The following RGL2 variants were observed in gnomAD, a reference collection of about 807,000 sequenced individuals.
RGL2 encodes the protein ral guanine nucleotide dissociation stimulator-like 2.
RGL2 carries 40 observed loss-of-function variants against 84.6 expected under a neutral mutation model. The ratio of observed to expected loss-of-function variants is 0.47; its 90% CI spans 0.37 to 0.62. RGL2 has a LOEUF of 0.62. Ranked by LOEUF, RGL2 falls within the 20% of genes least tolerant of loss-of-function variation. The pLI is 0.00. For missense variants in RGL2, 865 were observed against 1,019.7 expected (o/e 0.85, Z 2.07); for synonymous variants, 369 against 417.3 (o/e 0.88, Z 1.41).
Position 33,298,447 on chromosome 6 carries a change from C to G in RGL2, c.156+8G>C. 7.6e-6 allele frequency: 11 copies of G among 1,440,472 alleles called. No homozygotes were observed. The highest frequency in any genetic ancestry group is 9.5e-6 in the Non-Finnish European group (10 of 1,053,684). The allele number at this position is 1,440,472 out of a possible 1,614,324, so 89.2% of individuals were successfully genotyped here. ...TACGCCCCCTACCTCCCACCACCCG[C>G]GTCTCACCTCTTCTTCTTCCTCCTC... On this transcript the variant is annotated splice_region_variant and intron_variant, in intron 2 of 17. Coordinates refer to ENST00000497454, the MANE Select transcript of RGL2 (RefSeq NM_004761.5). The surrounding 1 kb of genome is among the most constrained non-coding windows in gnomAD (Gnocchi z 4.8).
At position 33,295,415 on chromosome 6, in the gene RGL2, C is replaced by T. The variant is rs1210402902; in HGVS notation, c.1028G>A (p.Arg343Gln). Reference sequence around the variant, plus strand: ...AACTGAAGAGAAGTTTCGGAGCAGCCGGCACTCCTGTGGGGGTCAAAGAAG... The same window carrying T: ...AACTGAAGAGAAGTTTCGGAGCAGCTGGCACTCCTGTGGGGGTCAAAGAAG... The part of the protein sequence containing the change: ...EKWIRVAEEC[R>Q]LLRNFSSVYA... Residue 343 changes from arginine (R) to glutamine (Q), a missense_variant, in exon 8 of 18, where the codon CGG (arginine) becomes CAG (glutamine). Physicochemically the swap from Arg to Gln is conservative, Grantham distance 43 (BLOSUM62 1). Around this residue, in one of 5 missense-constraint regions of RGL2, gnomAD observed 455 missense variants for 507.8 expected, o/e 0.90. Transcript: ENST00000497454. The surrounding 1 kb of genome is among the most constrained non-coding windows in gnomAD (Gnocchi z 7.2). 61 of 1,612,072 alleles carry T rather than the reference C, an allele frequency of 3.8e-5. No individual in the cohort carries two copies. Among genetic ancestry groups the T allele is most frequent in the Non-Finnish European group, 4.7e-5 (56 of 1,179,680 alleles).
At position 33,293,721 on chromosome 6, in the gene RGL2, C is replaced by A; in HGVS notation, c.1509-22G>T. ...ATGGCTGGGTTAGGGGGGCAATAGG[C>A]AGAGCTCAGGACATGACACCAATCC... On this transcript the variant is annotated intron_variant, in intron 13 of 17. Transcript: ENST00000497454. This position sits in a 1 kb window ranked among gnomAD's most constrained non-coding sequence, Gnocchi z 7.0. 6.2e-7 allele frequency: 1 copy of A among 1,613,512 alleles called. No homozygotes were observed. Among genetic ancestry groups the A allele is most frequent in the Non-Finnish European group, 8.5e-7 (1 of 1,179,662 alleles).
In RGL2 at chr6:33,294,300, TGA is replaced by T. The variant is rs1562658443; in HGVS notation, c.1354-236_1354-235del. ...GTAGACAACGAGTCTGCTTTGCAGA[TGA>T]GAGGACTGGATAGTATCCAATTCGA... On this transcript the variant is annotated intron_variant, in intron 11 of 17. Transcript: ENST00000497454. This position sits in a 1 kb window ranked among gnomAD's most constrained non-coding sequence, Gnocchi z 5.0. Among the ~76,000 whole-genome samples the T allele has an allele frequency of 1.3e-5, 2 of 152,008 alleles. No individual in the cohort carries two copies. Among genetic ancestry groups the T allele is most frequent in the Non-Finnish European group, 2.9e-5 (2 of 67,994 alleles).
Position 33,295,249 on chromosome 6 carries a change from G to A in RGL2, c.1125-38C>T. On this transcript the variant is annotated intron_variant, in intron 8 of 17. Coordinates refer to ENST00000497454, the MANE Select transcript of RGL2 (RefSeq NM_004761.5). The surrounding 1 kb of genome is among the most constrained non-coding windows in gnomAD (Gnocchi z 7.2). ...GAAAAGTGGCCCTGAGGACAGGCCT[G>A]GCTCTGTCACCCCCTCTTCCCCGCC... 1 of 1,573,998 alleles carries A rather than the reference G, an allele frequency of 6.4e-7. No homozygotes were observed.
chr6:33,296,185 C>G lies in RGL2; in HGVS notation c.611G>C (p.Ser204Thr), dbSNP rs1767932046. ...YAAGKGVGGGSADLIRNLRSR... is the reference protein window; with the variant it reads ...YAAGKGVGGGTADLIRNLRSR... ...CCGGAGATTGCGGATGAGGTCAGCG[C>G]TGCCCCCCCCAACACCCTTCCCTGC... is the stretch of plus-strand genomic sequence containing the variant. Residue 204 changes from serine (S) to threonine (T), a missense_variant, in exon 6 of 18, where the codon AGC becomes ACC. Ser to Thr is a moderately conservative substitution (Grantham distance 58). This residue lies in a region of RGL2 where 455 missense variants were observed against 507.8 expected (regional missense o/e 0.90). Transcript: ENST00000497454. This position sits in a 1 kb window ranked among gnomAD's most constrained non-coding sequence, Gnocchi z 5.0. The G allele has an allele frequency of 6.2e-7, 1 of 1,613,768 alleles. No homozygotes were observed. Among genetic ancestry groups the G allele is most frequent in the South Asian group, 1.1e-5 (1 of 91,090 alleles).
In RGL2 at chr6:33,296,728, G is replaced by A; in HGVS notation, c.289C>T (p.Leu97=). ...AGTAGGTGTCTGACCAGGGCCTCCA[G>A]AGTGCCAGCTCGGAGCCGTCGGGAG... ...RSSRRLRAGT[L]EALVRHLLDT... is the part of the protein sequence containing the mutation. The change falls in exon 4 of 18, where the codon CTG becomes TTG. Residue 97 remains leucine (L), a synonymous_variant. Coordinates refer to ENST00000497454, the MANE Select transcript of RGL2 (RefSeq NM_004761.5). The surrounding 1 kb of genome is among the most constrained non-coding windows in gnomAD (Gnocchi z 5.0). 6.2e-7 allele frequency: 1 copy of A among 1,614,060 alleles called. No individual in the cohort carries two copies. The highest frequency in any genetic ancestry group is 2.2e-5 in the East Asian group (1 of 44,870).
At position 33,294,028 on chromosome 6, in the gene RGL2, G is replaced by A. The variant is rs142317932; in HGVS notation, c.1386+6C>T. 4.2e-4 allele frequency: 680 copies of A among 1,613,564 alleles called. 1 individual carries two copies. The highest frequency in any genetic ancestry group is 1.3e-3 in the Middle Eastern group (8 of 6,054). The stretch of plus-strand genomic sequence containing the variant: ...GTCCAGCATCCAGCCCAGACACTCC[G>A]CTCACCTTCCTCCGCTTGTCAAAAT... On this transcript the variant is annotated splice_donor_region_variant and intron_variant, in intron 12 of 17. Transcript: ENST00000497454. The surrounding 1 kb of genome is among the most constrained non-coding windows in gnomAD (Gnocchi z 5.0).
rs1439604069 is a variant in RGL2, at chr6:33,293,778, C to T, written c.1508+17G>A. On this transcript the variant is annotated intron_variant, in intron 13 of 17. Transcript: ENST00000497454. The surrounding 1 kb of genome is among the most constrained non-coding windows in gnomAD (Gnocchi z 7.0). ...CCTGGCCAGAACCCTGGAGTCCCAA[C>T]CTCACCCGCCAGTCACCTCTGAGCC... The T allele has an allele frequency of 6.8e-6, 11 of 1,613,798 alleles. No homozygotes were observed. The highest frequency in any genetic ancestry group is 1.3e-5 in the African/African-American group (1 of 74,914).
At position 33,295,916 on chromosome 6, in the gene RGL2, G is replaced by C; in HGVS notation, c.768+112C>G. On this transcript the variant is annotated intron_variant, in intron 6 of 17. Transcript: ENST00000497454. This position sits in a 1 kb window ranked among gnomAD's most constrained non-coding sequence, Gnocchi z 7.2. ...AAAGGGGAGAATCAAAATGGTAGGT[G>C]GAGGAGGCTAGGAGCTGGATCAGGA... 1 of 1,457,912 alleles carries C rather than the reference G, an allele frequency of 6.9e-7. No homozygotes were observed. 90.3% of individuals were successfully genotyped at this position (1,457,912 alleles called of 1,614,324 possible). A position where few individuals can be genotyped will look rare whatever the true frequency, so the allele number is the denominator to read the frequency against.
rs761245551 is a variant in RGL2, at chr6:33,292,045, G to A, written c.*57C>T. ...TGATATAATTGCCACCATTCAGGAT[G>A]GCTACCCACATCTGGTATGAACACC... On this transcript the variant is annotated 3_prime_UTR_variant, in exon 18 of 18. Coordinates refer to ENST00000497454, the MANE Select transcript of RGL2 (RefSeq NM_004761.5). The A allele has an allele frequency of 6.4e-7, 1 of 1,573,886 alleles. No individual in the cohort carries two copies.
Position 33,296,178 on chromosome 6 carries a change from G to A in RGL2, c.618C>T (p.Asp206=), listed in dbSNP as rs1767930420. 3 of 1,613,826 alleles carry A rather than the reference G, an allele frequency of 1.9e-6. No individual in the cohort carries two copies. The highest frequency in any genetic ancestry group is 2.2e-5 in the South Asian group (2 of 91,088). ...CCCGGGACCGGAGATTGCGGATGAG[G>A]TCAGCGCTGCCCCCCCCAACACCCT... ...AGKGVGGGSA[D]LIRNLRSRVD... is the part of the protein sequence containing the mutation. The change falls in exon 6 of 18, where the codon GAC becomes GAT. Residue 206 remains aspartate, a synonymous_variant. Transcript: ENST00000497454. The surrounding 1 kb of genome is among the most constrained non-coding windows in gnomAD (Gnocchi z 5.0).
chr6:33,292,142 A>G lies in RGL2; in HGVS notation c.2294T>C (p.Ile765Thr). 1 of 1,614,104 alleles carries G rather than the reference A, an allele frequency of 6.2e-7. No homozygotes were observed. The highest frequency in any genetic ancestry group is 8.5e-7 in the Non-Finnish European group (1 of 1,180,006). ...SEGGGGSFPR[I>T]KATGRKIARA... ...TGCAATCTTCCTCCCTGTGGCCTTG[A>G]TCCTGGGAAAGGAGCCCCCTCCTCC... is the stretch of plus-strand genomic sequence containing the variant. Residue 765 changes from isoleucine to threonine, a missense_variant, in exon 18 of 18, where the codon ATC becomes ACC. Physicochemically the swap from Ile to Thr is moderately conservative, Grantham distance 89 (BLOSUM62 -1). Around this residue, in one of 5 missense-constraint regions of RGL2, gnomAD observed 302 missense variants for 327.9 expected, o/e 0.92. Transcript: ENST00000497454.
At chr6:33,292,684 C>T (rs755999794) in intron 16 of RGL2, 140 bp from the exon 17 acceptor site, 54 of 742,758 alleles carry the variant, frequency 7.3e-5, no homozygotes, top group Non-Finnish European at 6.8e-5. Context: ...ATGGTGGCTT[C>T]CTATACCCCA....
At chr6:33,292,742 G>A (rs888057223) in intron 16 of RGL2, among the ~76,000 whole-genome samples, 198 bp from the exon 17 acceptor site, 7 of 152,176 alleles carry the variant, frequency 4.6e-5, no homozygotes, top group African/African-American at 1.7e-4. Context: ...CTTCCCTGTG[G>A]GGAAACTGCT....
Position 33,293,613 on chromosome 6 carries a change from T to C in RGL2, c.1595A>G (p.Gln532Arg). Residue 532 changes from glutamine to arginine, a missense_variant, in exon 14 of 18, where the codon CAG (glutamine) becomes CGG (arginine). Physicochemically the swap from Gln to Arg is conservative, Grantham distance 43. Around this residue, in one of 5 missense-constraint regions of RGL2, gnomAD observed 302 missense variants for 327.9 expected, o/e 0.92. Transcript: ENST00000497454. The surrounding 1 kb of genome is among the most constrained non-coding windows in gnomAD (Gnocchi z 7.0). ...CCAGTGAATCTCTCACTCTGTCCAC[T>C]GCGAGATGACCAATGTTGGCCGAAG... ...RVLRPTLVIS[Q>R]WTEVLGSVGV... 1.2e-6 allele frequency: 2 copies of C among 1,614,122 alleles called. No individual in the cohort carries two copies. The highest frequency in any genetic ancestry group is 4.5e-5 in the East Asian group (2 of 44,884).
chr6:33,292,999 T>C lies in RGL2; in HGVS notation c.2007+17A>G. 1.2e-6 allele frequency: 2 copies of C among 1,614,066 alleles called. No individual in the cohort carries two copies. The highest frequency in any genetic ancestry group is 1.7e-6 in the Non-Finnish European group (2 of 1,180,004). On this transcript the variant is annotated intron_variant, in intron 16 of 17. Coordinates refer to ENST00000497454, the MANE Select transcript of RGL2 (RefSeq NM_004761.5). ...GACACCATCCTTCACCCCAACTCCATCCCAAGGCTCCCTCACCAAAATGCT... is the reference window on the plus strand; with the variant it reads ...GACACCATCCTTCACCCCAACTCCACCCCAAGGCTCCCTCACCAAAATGCT...
At chr6:33,299,613 A>C (rs1397075910), upstream of RGL2, 1 of 152,076 alleles carries the variant, frequency 6.6e-6, no homozygotes, top group African/African-American at 2.4e-5. This position sits in a 1 kb window ranked among gnomAD's most constrained non-coding sequence, Gnocchi z 5.0. Flanking sequence ...GCGTTCTCTG[A>C]GCGGTTCAGG....
intron 16 of RGL2, 111 bp downstream of exon 16, chr6:33,292,905 G>A (rs565669111): frequency 2.6e-4 from 350 of 1,336,348 alleles, no homozygotes; most frequent in Middle Eastern, 3.8e-4. Context: ...AAAACCAAAG[G>A]TCAAAATTAA....
upstream of RGL2, chr6:33,301,005 A>G (rs548887690): frequency 4.0e-5 from 6 of 151,558 alleles, no homozygotes; most frequent in South Asian, 4.2e-4. Context: ...TCTTCATTCT[A>G]TAAGTGTACA....
Sources: allele counts gnomAD v4.1 joint callset (sites outside exome capture counted in the v4.1 genomes callset), GRCh38; gene constraint gnomAD v4.1.1; regional missense constraint gnomAD v4.1.1; non-coding constraint Gnocchi (gnomAD v3.1); transcripts MANE v1.5; gene names NCBI Gene and HGNC (gene_info 2026-07-23, HGNC 2026-07-21).